Variants in CNTNAP2 observed in about 807,000 individuals in gnomAD.
CNTNAP2 encodes the protein contactin associated protein 2, also known as contactin-associated protein-like 2.
A neutral mutation model predicts 155.2 loss-of-function variants in CNTNAP2; 98 were observed. The observed-to-expected ratio is 0.63, with a 90% CI of 0.54 to 0.75. The LOEUF (loss-of-function observed/expected upper bound fraction) is 0.75, where lower values mean the gene tolerates loss of function less well. Among genes scored for constraint, CNTNAP2 ranks in the 30% least tolerant of loss-of-function variants. The pLI is 0.00. For synonymous variants in CNTNAP2, 651 were observed against 631.2 expected (o/e 1.03, Z -0.47); for missense variants, 1,727 against 1,688.1 (o/e 1.02, Z -0.40).
At chr7:147,570,618 T>A (rs1405440014) in intron 12 of CNTNAP2, among the ~76,000 whole-genome samples, 22 of 152,198 alleles carry the variant, frequency 1.4e-4, no homozygotes, top group Non-Finnish European at 4.4e-5. Flanking sequence ...CCAGGCACAT[T>A]TTTAAAATAT....
chr7:147,737,975 C>T (rs550615369), intron 13 of CNTNAP2, among the ~76,000 whole-genome samples: 11 of 152,338 alleles, frequency 7.2e-5, no homozygotes, highest in African/African-American at 2.2e-4. Flanking sequence ...CCGGGTGAGG[C>T]GATGCCTTGC....
At chr7:146,202,745 T>C (rs1163203401) in intron 1 of CNTNAP2, among the ~76,000 whole-genome samples, 4 of 152,146 alleles carry the variant, frequency 2.6e-5, no homozygotes, top group Non-Finnish European at 5.9e-5. Context: ...TCATGGTTAA[T>C]TCTATTATCA....
chr7:148,005,960 T>C (rs1801969747), intron 15 of CNTNAP2, among the ~76,000 whole-genome samples: 1 of 152,200 alleles, frequency 6.6e-6, no homozygotes, highest in African/African-American at 2.4e-5. Context: ...CTGCTTTCAA[T>C]AGAGTCTCAC....
chr7:148,366,642 C>A (rs1344090462), intron 21 of CNTNAP2, among the ~76,000 whole-genome samples: 1 of 152,178 alleles, frequency 6.6e-6, no homozygotes, highest in African/African-American at 2.4e-5. Flanking sequence ...AAGACAATAA[C>A]TATTTTACTT....
intron 1 of CNTNAP2, among the ~76,000 whole-genome samples, chr7:146,397,224 A>G (rs1795642977): frequency 1.3e-5 from 2 of 152,236 alleles, no homozygotes; most frequent in African/African-American, 2.4e-5. Flanking sequence ...ACTTCCACAT[A>G]TAATGGTAAA....
chr7:147,289,483 G>GAAGA (rs1301117508), intron 8 of CNTNAP2, among the ~76,000 whole-genome samples: 2 of 151,914 alleles, frequency 1.3e-5, no homozygotes, highest in African/African-American at 4.8e-5. Context: ...GGGAAGGAAG[G>GAAGA]AAGAAAGAAA....
intron 1 of CNTNAP2, among the ~76,000 whole-genome samples, chr7:146,338,375 C>A (rs1193343216): frequency 1.3e-5 from 2 of 151,962 alleles, no homozygotes; most frequent in Admixed American, 1.3e-4. Context: ...GAGACCTGCA[C>A]GTATTTAAAT....
intron 13 of CNTNAP2, among the ~76,000 whole-genome samples, chr7:147,658,467 G>A (rs922632310): frequency 5.3e-5 from 8 of 152,138 alleles, no homozygotes; most frequent in Non-Finnish European, 1.2e-4. Flanking sequence ...GGAGGGTCTG[G>A]CCACCACACT....
intron 1 of CNTNAP2, among the ~76,000 whole-genome samples, chr7:146,563,869 A>G (rs765328890): frequency 6.6e-6 from 1 of 152,142 alleles, no homozygotes; most frequent in Non-Finnish European, 1.5e-5. Flanking sequence ...CAATAAATGG[A>G]ACATTGTCTC....
chr7:146,463,707 C>A (rs1199861485), intron 1 of CNTNAP2, among the ~76,000 whole-genome samples: 1 of 151,608 alleles, frequency 6.6e-6, no homozygotes, highest in Non-Finnish European at 1.5e-5. Flanking sequence ...CAGATATATA[C>A]ATATGTGTAT....
At chr7:146,949,742 C>T (rs927902875) in intron 3 of CNTNAP2, among the ~76,000 whole-genome samples, 9 of 152,136 alleles carry the variant, frequency 5.9e-5, no homozygotes, top group African/African-American at 9.7e-5. Flanking sequence ...CCAATGTTCT[C>T]ATGGTGCCAT....
chr7:146,534,959 G>A (rs975157042), intron 1 of CNTNAP2, among the ~76,000 whole-genome samples: 1 of 144,680 alleles, frequency 6.9e-6, no homozygotes, highest in Non-Finnish European at 1.5e-5. Flanking sequence ...TATTTTGCAT[G>A]CATCCTAAAA....
intron 12 of CNTNAP2, among the ~76,000 whole-genome samples, chr7:147,603,101 A>C (rs1479908449): frequency 2.0e-5 from 3 of 151,444 alleles, no homozygotes; most frequent in African/African-American, 7.3e-5. Flanking sequence ...CAGTCCCACC[A>C]ACAGTGTAAA....
At chr7:147,224,943 A>G (rs1803487389) in intron 8 of CNTNAP2, among the ~76,000 whole-genome samples, 1 of 152,172 alleles carries the variant, frequency 6.6e-6, no homozygotes, top group Admixed American at 6.5e-5. Flanking sequence ...CAAGTCCTCT[A>G]ATGACTTTAG....
At chr7:148,108,539 G>C (rs1437528831) in intron 15 of CNTNAP2, among the ~76,000 whole-genome samples, 1 of 152,120 alleles carries the variant, frequency 6.6e-6, no homozygotes, top group Non-Finnish European at 1.5e-5. Flanking sequence ...CAATCCTGGG[G>C]TTTGCTGCTC....
chr7:147,118,293 C>A (rs1801029125), intron 5 of CNTNAP2, among the ~76,000 whole-genome samples: 2 of 151,762 alleles, frequency 1.3e-5, no homozygotes, highest in Non-Finnish European at 2.9e-5. Context: ...TATTTTGGTC[C>A]AAAAATCATA....
chr7:147,418,601 T>C (rs1797239014), intron 10 of CNTNAP2, among the ~76,000 whole-genome samples: 1 of 152,132 alleles, frequency 6.6e-6, no homozygotes, highest in Non-Finnish European at 1.5e-5. Flanking sequence ...GGACAGTGAG[T>C]CGTAATTAGG....
chr7:147,054,926 A>G (rs549134227), intron 4 of CNTNAP2, among the ~76,000 whole-genome samples: 4 of 152,282 alleles, frequency 2.6e-5, no homozygotes, highest in African/African-American at 4.8e-5. Flanking sequence ...TGAAGCATGT[A>G]TATTTTTCTC....
At chr7:146,919,768 G>T (rs1189338950) in intron 3 of CNTNAP2, among the ~76,000 whole-genome samples, 1 of 152,170 alleles carries the variant, frequency 6.6e-6, no homozygotes, top group East Asian at 1.9e-4. Context: ...TACATCCTTT[G>T]TCTTCAGAGT....
Sources: gnomAD v4.1 joint callset for allele counts (sites outside exome capture counted in the v4.1 genomes callset) on GRCh38, gnomAD v4.1.1 for gene constraint, MANE v1.5 for transcripts, NCBI Gene and HGNC (gene_info 2026-07-23, HGNC 2026-07-21) for gene names.